The following RYR2 variants were observed in gnomAD, a reference collection of about 807,000 sequenced individuals.
RYR2 encodes cardiac muscle ryanodine receptor-calcium release channel.
In RYR2, 227 loss-of-function variants were observed where a neutral mutation model predicts 601.1. The ratio of observed to expected loss-of-function variants is 0.38; its 90% CI spans 0.34 to 0.42. The LOEUF is 0.42. Ranked by LOEUF, RYR2 falls within the 10% of genes least tolerant of loss-of-function variation. The pLI is 1.00. For synonymous variants in RYR2, 2,223 were observed against 2,175.1 expected, an observed-to-expected ratio of 1.02 and a Z score of -0.61; for missense variants, 4,646 against 6,156.5, an observed-to-expected ratio of 0.75 and a Z score of 8.21.
intron 3 of RYR2, among the ~76,000 whole-genome samples, chr1:237,336,026 A>C (rs2149590711): frequency 6.6e-6 from 1 of 152,288 alleles, no homozygotes. Flanking sequence ...TATGTATAGA[A>C]ATTTAAGTGT....
Position 237,506,807 on chromosome 1 carries a change from A to T in RYR2, c.2711A>T (p.Tyr904Phe). 6.2e-7 allele frequency: 1 copy of T among 1,611,038 alleles called. No individual in the cohort carries two copies. The highest frequency in any genetic ancestry group is 1.1e-5 in the South Asian group (1 of 90,942). ...VMNKIELGWQ[Y>F]GPVRDDNKRQ... is the part of the protein sequence containing the mutation. ...AATAAAATTGAGCTTGGCTGGCAGT[A>T]TGGTCCGGTATGTAATTTTGAAATT... The change falls in exon 23 of 105, where the codon TAT becomes TTT. Residue 904 changes from tyrosine (Y) to phenylalanine (F), a missense_variant. Physicochemically the swap from Tyr to Phe is conservative, Grantham distance 22 (BLOSUM62 3). This residue lies in a region of RYR2 where 1,807 missense variants were observed against 2,088.1 expected (regional missense o/e 0.87). Coordinates refer to ENST00000366574, the MANE Select transcript of RYR2 (RefSeq NM_001035.3).
chr1:237,476,807 T>C (rs867518149), intron 17 of RYR2, among the ~76,000 whole-genome samples: 1 of 152,210 alleles, frequency 6.6e-6, no homozygotes, highest in African/African-American at 2.4e-5. Flanking sequence ...GCTCACATGA[T>C]ATTTATTGTC....
intron 13 of RYR2, 76 bp from the exon 14 acceptor site, chr1:237,445,325 T>A: frequency 6.3e-7 from 1 of 1,579,716 alleles, no homozygotes. Flanking sequence ...GCTCAGCTGT[T>A]TGAGTACACA....
intron 73 of RYR2, among the ~76,000 whole-genome samples, chr1:237,720,947 A>G (rs1409014287): frequency 6.6e-6 from 1 of 152,244 alleles, no homozygotes; most frequent in Non-Finnish European, 1.5e-5. Context: ...TTGATTGTCC[A>G]TATTTCACCT....
intron 1 of RYR2, among the ~76,000 whole-genome samples, chr1:237,132,857 A>G (rs1414801551): frequency 6.6e-6 from 1 of 152,250 alleles, no homozygotes; most frequent in African/African-American, 2.4e-5. Context: ...CTGAAATTGC[A>G]TGGGATGATG....
rs554150549 is a variant in RYR2 at position 237,784,033 on chromosome 1, G to A, written c.12321G>A (p.Glu4107=). The change falls in exon 90 of 105, where the codon GAG becomes GAA. Residue 4107 remains glutamate, a synonymous_variant. Transcript: ENST00000366574. The surrounding 1 kb of genome is among the most constrained non-coding windows in gnomAD (Gnocchi z 7.1). The part of the protein sequence containing the change: ...NVAVLLTNLS[E]HMPNDTRLQT... The stretch of plus-strand genomic sequence containing the variant: ...CCGTCCTTCTGACAAACCTCTCTGA[G>A]CACATGCCCAACGATACCCGACTTC... The A allele has an allele frequency of 6.2e-7, 1 of 1,614,002 alleles. No individual in the cohort carries two copies. The highest frequency in any genetic ancestry group is 1.3e-5 in the African/African-American group (1 of 75,050).
chr1:237,763,584 C>A (rs1235714298), intron 84 of RYR2, among the ~76,000 whole-genome samples: 1 of 152,094 alleles, frequency 6.6e-6, no homozygotes, highest in Non-Finnish European at 1.5e-5. Context: ...AGCAAAGATG[C>A]CATTAGTAAT....
At chr1:237,620,098 G>A (rs1263006475) in intron 38 of RYR2, among the ~76,000 whole-genome samples, 1 of 152,074 alleles carries the variant, frequency 6.6e-6, no homozygotes, top group African/African-American at 2.4e-5. Context: ...TATGATTGAT[G>A]GTTGAAGCAA....
At chr1:237,225,309 G>A (rs145797999) in intron 1 of RYR2, among the ~76,000 whole-genome samples, 40 of 152,212 alleles carry the variant, frequency 2.6e-4, no homozygotes, top group East Asian at 1.4e-3. Flanking sequence ...GTCCGTTTTC[G>A]CGCTGCTCAT....
At chr1:237,594,170 G>A (rs1318529997) in intron 33 of RYR2, among the ~76,000 whole-genome samples, 2 of 152,044 alleles carry the variant, frequency 1.3e-5, no homozygotes, top group Non-Finnish European at 2.9e-5. Flanking sequence ...TTTTTCATTT[G>A]TAAAACAAAC....
intron 76 of RYR2, among the ~76,000 whole-genome samples, chr1:237,727,879 C>T (rs1223492876): frequency 6.6e-6 from 1 of 152,042 alleles, no homozygotes; most frequent in Non-Finnish European, 1.5e-5. Context: ...GGTACCATTT[C>T]AGTCACCTTG....
At chr1:237,756,541 C>T (rs943472769) in intron 81 of RYR2, among the ~76,000 whole-genome samples, 154 bp downstream of exon 81, 1 of 152,090 alleles carries the variant, frequency 6.6e-6, no homozygotes, top group Non-Finnish European at 1.5e-5. Flanking sequence ...TACGAGCTCT[C>T]ATTGTTTACG....
At chr1:237,791,890 T>C in intron 93 of RYR2, 1 of 586,460 alleles carries the variant, frequency 1.7e-6, no homozygotes, top group East Asian at 2.8e-5. Flanking sequence ...ATCCTCAGAA[T>C]TTTTGGTTGA....
At chr1:237,769,428 C>A (rs548300387) in intron 84 of RYR2, among the ~76,000 whole-genome samples, 2 of 152,276 alleles carry the variant, frequency 1.3e-5, no homozygotes, top group South Asian at 4.1e-4. Context: ...CTTAAACTTG[C>A]CACGTCTGAT....
At chr1:237,798,644 T>G (rs1171304142) in intron 97 of RYR2, among the ~76,000 whole-genome samples, 1 of 152,188 alleles carries the variant, frequency 6.6e-6, no homozygotes. Context: ...AAAGGCTTAG[T>G]GCGTCAGAAA....
chr1:237,156,723 G>A (rs1675378698), intron 1 of RYR2, among the ~76,000 whole-genome samples: 1 of 152,188 alleles, frequency 6.6e-6, no homozygotes, highest in African/African-American at 2.4e-5. Context: ...GGGGCATTGT[G>A]AAAGGAACAC....
intron 31 of RYR2, 44 bp from the exon 32 acceptor site, chr1:237,591,695 A>C (rs769607532): frequency 6.7e-7 from 1 of 1,488,656 alleles, no homozygotes; most frequent in South Asian, 1.2e-5. Context: ...AAGTAGACAG[A>C]ACATTTTAAT....
chr1:237,809,465 A>C (rs554740228), intron 100 of RYR2, among the ~76,000 whole-genome samples: 1 of 152,190 alleles, frequency 6.6e-6, no homozygotes, highest in African/African-American at 2.4e-5. Flanking sequence ...TATATTGAGT[A>C]TCTTGGCTTA....
At chr1:237,101,607 C>T (rs371149356) in intron 1 of RYR2, among the ~76,000 whole-genome samples, 129 of 152,280 alleles carry the variant, frequency 8.5e-4, no homozygotes, top group Middle Eastern at 6.8e-3. Flanking sequence ...AAAGTACACA[C>T]GCACATAAGA....
Sources: gnomAD v4.1 joint callset for allele counts (sites outside exome capture counted in the v4.1 genomes callset) on GRCh38, gnomAD v4.1.1 for gene constraint, gnomAD v4.1.1 regional missense constraint, Gnocchi (gnomAD v3.1) non-coding constraint, MANE v1.5 for transcripts, NCBI Gene and HGNC (gene_info 2026-07-23, HGNC 2026-07-21) for gene names.